Variants in MECR observed in about 807,000 individuals in gnomAD.
MECR encodes enoyl-[acyl-carrier-protein] reductase, mitochondrial.
In MECR, 37 loss-of-function variants were observed where a neutral mutation model predicts 49.1. The observed-to-expected ratio is 0.75, with a 90% CI of 0.58 to 0.99. The LOEUF is 0.99. Ranked by LOEUF, MECR falls within the 50% of genes least tolerant of loss-of-function variation. The pLI is 0.00. For missense variants in MECR, 470 were observed against 479.6 expected, an observed-to-expected ratio of 0.98 and a Z score of 0.19; for synonymous variants, 198 against 191.1, an observed-to-expected ratio of 1.04 and a Z score of -0.30.
chr1:29,198,266 TG>T (rs1000141829), intron 7 of MECR, among the ~76,000 whole-genome samples: 115 of 152,336 alleles, frequency 7.5e-4, no homozygotes, highest in African/African-American at 2.7e-3. Flanking sequence ...GTCTGCGGCC[TG>T]GGGGCTGGGG....
At chr1:29,229,225 CAG>C (rs1163852134) in intron 1 of MECR, among the ~76,000 whole-genome samples, 2 of 147,448 alleles carry the variant, frequency 1.4e-5, no homozygotes, top group Non-Finnish European at 3.0e-5. Flanking sequence ...TTTTTTGAGA[CAG>C]AGTCTCGCTC....
intron 1 of MECR, 90 bp downstream of exon 1, chr1:29,230,641 G>A (rs1683185320): frequency 2.7e-6 from 4 of 1,478,120 alleles, no homozygotes; most frequent in Non-Finnish European, 3.6e-6. Context: ...CCCTTCCTCG[G>A]ACCCTGTCCC....
downstream of MECR, among the ~76,000 whole-genome samples, chr1:29,190,987 G>A (rs1178038719): frequency 6.6e-6 from 1 of 152,134 alleles, no homozygotes; most frequent in African/African-American, 2.4e-5. Flanking sequence ...AAATGAGACA[G>A]TTCTAACATA....
At chr1:29,173,130 C>CTTTTTTTTTTTTTTTTT in the MECR span, 2 of 78,556 alleles carry the variant, frequency 2.5e-5, no homozygotes, top group African/African-American at 5.1e-5. Flanking sequence ...GTCAAAAAGG[C>CTTTTTTTTTTTTTTTTT]TTTTTTTTTT....
In MECR at chr1:29,216,048, C is replaced by T. The variant is rs778628351; in HGVS notation, c.363G>A (p.Gly121=). 5.0e-5 allele frequency: 81 copies of T among 1,614,002 alleles called. 1 individual carries two copies. In the Admixed American group the frequency reaches 1.4e-3, roughly 27 times the overall value. The change falls in exon 3 of 10, where the codon GGG becomes GGA. Residue 121 remains glycine, a synonymous_variant. Transcript: ENST00000263702. ...QVVAVGSNVT[G]LKPGDWVIPA... ...GAATCACCCAGTCTCCTGGCTTCAG[C>T]CCGGTCACATTGCTGCCCACCGCTA...
At chr1:29,211,351 C>A (rs1677982577) in intron 3 of MECR, among the ~76,000 whole-genome samples, 1 of 152,214 alleles carries the variant, frequency 6.6e-6, no homozygotes, top group Admixed American at 6.5e-5. Context: ...CAGGCATGAG[C>A]CACCATGCCT....
At chr1:29,220,364 G>A (rs2151906526) in intron 1 of MECR, among the ~76,000 whole-genome samples, 1 of 152,158 alleles carries the variant, frequency 6.6e-6, no homozygotes, top group Middle Eastern at 3.4e-3. Flanking sequence ...TCACGCCACT[G>A]TACTCCAACC....
chr1:29,175,692 C>A, the MECR span, among the ~76,000 whole-genome samples: 15 of 8,076 alleles, frequency 1.9e-3, no homozygotes, highest in Non-Finnish European at 5.8e-3. Flanking sequence ...CAGACGCTGT[C>A]TCAAAAAAAA....
intron 8 of MECR, 32 bp from the exon 9 acceptor site, chr1:29,196,045 G>A: frequency 1.2e-6 from 2 of 1,612,710 alleles, no homozygotes; most frequent in Non-Finnish European, 1.7e-6. Context: ...GCTGGGCTCT[G>A]AGGGCAAGAA....
At chr1:29,181,533 C>G in the MECR span, 9 of 937,704 alleles carry the variant, frequency 9.6e-6, no homozygotes, top group African/African-American at 5.2e-5. Context: ...CGGAGCCTGG[C>G]CAGGCCGGTA....
chr1:29,206,680 T>C (rs534438681), intron 4 of MECR, 82 bp downstream of exon 4: 1 of 1,519,364 alleles, frequency 6.6e-7, no homozygotes, highest in African/African-American at 1.4e-5. Context: ...ACCTTGCAAG[T>C]TCTCCTGGCC....
At chr1:29,178,353 C>CTTCTTCTTTTT in the MECR span, among the ~76,000 whole-genome samples, 223 of 127,908 alleles carry the variant, frequency 1.7e-3, 5 homozygotes, top group African/African-American at 5.8e-3. Context: ...GTTTCAATTA[C>CTTCTTCTTTTT]TTTTTTTTTT....
intron 1 of MECR, among the ~76,000 whole-genome samples, chr1:29,217,027 G>T (rs1267808452): frequency 6.7e-6 from 1 of 150,098 alleles, no homozygotes; most frequent in Non-Finnish European, 1.5e-5. Flanking sequence ...CCAGCTACTC[G>T]GGTGGCTGAG....
At chr1:29,218,647 T>C (rs1029455297) in intron 1 of MECR, among the ~76,000 whole-genome samples, 5 of 152,146 alleles carry the variant, frequency 3.3e-5, no homozygotes, top group African/African-American at 9.7e-5. Flanking sequence ...CTGAGGTGGA[T>C]GGATCACGAG....
chr1:29,198,724 CT>C (rs1237806774), intron 7 of MECR, among the ~76,000 whole-genome samples: 1 of 152,184 alleles, frequency 6.6e-6, no homozygotes, highest in Admixed American at 6.5e-5. Flanking sequence ...TCAAGCAATT[CT>C]CCTGCCTTAG....
At chr1:29,190,350 C>CA (rs919322456), downstream of MECR, among the ~76,000 whole-genome samples, 3 of 149,902 alleles carry the variant, frequency 2.0e-5, no homozygotes, top group Non-Finnish European at 3.0e-5. Flanking sequence ...GACTCCGTCT[C>CA]AAAAAAACAA....
downstream of MECR, among the ~76,000 whole-genome samples, chr1:29,192,474 G>A (rs1212437309): frequency 6.6e-6 from 1 of 152,138 alleles, no homozygotes; most frequent in Non-Finnish European, 1.5e-5. Context: ...CTCCATGTCA[G>A]TGACCTCATC....
the MECR span, among the ~76,000 whole-genome samples, chr1:29,184,068 AG>A: frequency 6.7e-6 from 1 of 148,698 alleles, no homozygotes; most frequent in African/African-American, 2.5e-5. Flanking sequence ...TTAGTAGAGA[AG>A]GGGTTTCACT....
chr1:29,183,808 T>C, the MECR span, among the ~76,000 whole-genome samples: 3 of 152,130 alleles, frequency 2.0e-5, no homozygotes, highest in Non-Finnish European at 4.4e-5. Context: ...ATTAGATATT[T>C]ATGGGATCAA....
Sources: gnomAD v4.1 joint callset for allele counts (sites outside exome capture counted in the v4.1 genomes callset) on GRCh38, gnomAD v4.1.1 for gene constraint, MANE v1.5 for transcripts, NCBI Gene and HGNC (gene_info 2026-07-23, HGNC 2026-07-21) for gene names.